The following FBXO11 variants were observed in gnomAD, a reference collection of about 807,000 sequenced individuals.
FBXO11 encodes F-box only protein 11.
FBXO11 carries 13 observed loss-of-function variants against 117.0 expected under a neutral mutation model. The ratio of observed to expected loss-of-function variants is 0.11; its 90% CI spans 0.07 to 0.18. The LOEUF is 0.18. Ranked by LOEUF, FBXO11 falls within the 10% of genes least tolerant of loss-of-function variation. The pLI is 1.00. For missense variants in FBXO11, 767 were observed against 1,164.4 expected (o/e 0.66, Z 4.97); for synonymous variants, 490 against 380.5 (o/e 1.29, Z -3.35).
chr2:47,875,344 C>T (rs1040949330), intron 1 of FBXO11, among the ~76,000 whole-genome samples: 8 of 152,224 alleles, frequency 5.3e-5, no homozygotes, highest in East Asian at 3.9e-4. Context: ...TATTTATCTT[C>T]GCGTTTATCT....
At chr2:47,885,625 A>G (rs1315314536) in intron 1 of FBXO11, among the ~76,000 whole-genome samples, 1 of 152,198 alleles carries the variant, frequency 6.6e-6, no homozygotes, top group Non-Finnish European at 1.5e-5. Context: ...TCTAAGGAAG[A>G]ATTTTGTAAA....
intron 1 of FBXO11, among the ~76,000 whole-genome samples, chr2:47,897,525 C>T (rs571361369): frequency 8.6e-5 from 13 of 152,012 alleles, no homozygotes; most frequent in Admixed American, 7.2e-4. Context: ...GGGGAAACCC[C>T]GTCTCTACTG....
chr2:47,828,730 A>G (rs1019148849), intron 11 of FBXO11, among the ~76,000 whole-genome samples: 2 of 152,324 alleles, frequency 1.3e-5, no homozygotes, highest in Non-Finnish European at 2.9e-5. Context: ...TAATCTATAA[A>G]AACACTTACC....
intron 1 of FBXO11, among the ~76,000 whole-genome samples, chr2:47,901,240 A>C (rs1678279656): frequency 2.0e-5 from 3 of 150,442 alleles, no homozygotes; most frequent in Admixed American, 6.6e-5. Flanking sequence ...ATGGGATTAG[A>C]GAGACTAGGT....
intron 1 of FBXO11, among the ~76,000 whole-genome samples, chr2:47,882,830 T>A (rs1676534054): frequency 6.6e-6 from 1 of 152,138 alleles, no homozygotes; most frequent in Admixed American, 6.5e-5. Context: ...TTTGTACTTT[T>A]TTAGAGACAG....
chr2:47,824,110 A>G (rs1158223306), intron 11 of FBXO11, among the ~76,000 whole-genome samples: 3 of 152,256 alleles, frequency 2.0e-5, no homozygotes, highest in Non-Finnish European at 4.4e-5. Context: ...CGATAAATGT[A>G]GACGAATACC....
At position 47,834,826 on chromosome 2, in the gene FBXO11, T is replaced by C; in HGVS notation, c.763A>G (p.Ser255Gly). ...VKPGFAEHFY[S>G]NPARYKGREN... ...CTTCCTTTATATCTTGCAGGGTTAC[T>C]GTAGAAATGTTCAGCAAATCCTGGC... is the stretch of plus-strand genomic sequence containing the variant. The change falls in exon 6 of 23, where the codon AGT becomes GGT. Residue 255 changes from serine (S) to glycine (G), a missense_variant. Transcript: ENST00000403359. The C allele has an allele frequency of 1.9e-6, 3 of 1,613,604 alleles. 1 individual carries two copies. The highest frequency in any genetic ancestry group is 1.1e-5 in the South Asian group (1 of 90,974).
Position 47,887,727 on chromosome 2 carries a change from G to A in FBXO11, c.232+17762C>T, listed in dbSNP as rs180849189. ...AATACAAAAATTAGCCGGGCATGGT[G>A]GCACACGCCTGTAGTCCCAGCTACT... On this transcript the variant is annotated intron_variant, in intron 1 of 22. Coordinates refer to ENST00000403359, the MANE Select transcript of FBXO11 (RefSeq NM_001190274.2). Among the ~76,000 whole-genome samples the A allele has an allele frequency of 7.9e-5, 12 of 152,268 alleles. No homozygotes were observed. In the East Asian group the frequency reaches 1.7e-3, roughly 22 times the overall value.
chr2:47,818,710 A>G (rs1291950901), intron 16 of FBXO11, 69 bp downstream of exon 16: 2 of 1,059,642 alleles, frequency 1.9e-6, no homozygotes, highest in Non-Finnish European at 2.8e-6. Context: ...ACAATAAGCA[A>G]ATTTCTTTTA....
intron 1 of FBXO11, among the ~76,000 whole-genome samples, chr2:47,841,066 C>T (rs559801862): frequency 1.3e-5 from 2 of 151,922 alleles, no homozygotes; most frequent in East Asian, 2.0e-4. Flanking sequence ...GGTGTGGTAG[C>T]GGGCGCCCGT....
chr2:47,834,565 G>A lies in FBXO11; in HGVS notation c.934+14C>T, dbSNP rs1672418004. ...AAAATATTAAAATTTTAATGACAAT[G>A]CATTTCAAAATACCTGCACCAATCA... On this transcript the variant is annotated intron_variant, in intron 7 of 22. Coordinates refer to ENST00000403359, the MANE Select transcript of FBXO11 (RefSeq NM_001190274.2). 1.3e-6 allele frequency: 2 copies of A among 1,523,558 alleles called. No individual in the cohort carries two copies. The highest frequency in any genetic ancestry group is 1.4e-5 in the African/African-American group (1 of 71,236). The allele number at this position is 1,523,558 out of a possible 1,614,324, so 94.4% of individuals were successfully genotyped here.
At chr2:47,873,420 T>C (rs1218035157) in intron 1 of FBXO11, among the ~76,000 whole-genome samples, 2 of 152,156 alleles carry the variant, frequency 1.3e-5, no homozygotes, top group African/African-American at 4.8e-5. Context: ...TCCTGGGTTT[T>C]ATCCTTGCCC....
chr2:47,844,282 A>G (rs1242969916), intron 1 of FBXO11, among the ~76,000 whole-genome samples: 1 of 151,792 alleles, frequency 6.6e-6, no homozygotes, highest in African/African-American at 2.4e-5. Flanking sequence ...ATTCTCTCTT[A>G]GATTGTTCTG....
chr2:47,810,392 A>G lies in FBXO11; in HGVS notation c.2262T>C (p.Ala754=), dbSNP rs1475959627. ...TAGTGCTGATGAGAACACCTGCTTG[A>G]GCATTCCTGAAAATATCATTTTCTT... ...LLEENDIFRN[A]QAGVLISTNS... The change falls in exon 19 of 23, where the codon GCT becomes GCC. Residue 754 remains alanine (A), a synonymous_variant. Transcript: ENST00000403359. 2 of 1,610,792 alleles carry G rather than the reference A, an allele frequency of 1.2e-6. No homozygotes were observed. The highest frequency in any genetic ancestry group is 1.7e-6 in the Non-Finnish European group (2 of 1,178,738).
rs1672428358 is a variant in FBXO11 at position 47,834,781 on chromosome 2, A to C, written c.801+7T>G. ...TTTTAAGTCATAAAAATAAAAATCA[A>C]ACATACCAACATATTTTCTCTTCCT... On this transcript the variant is annotated splice_region_variant and intron_variant, in intron 6 of 22. Transcript: ENST00000403359. 6.2e-7 allele frequency: 1 copy of C among 1,609,776 alleles called. No homozygotes were observed. The highest frequency in any genetic ancestry group is 1.3e-5 in the African/African-American group (1 of 74,638).
At chr2:47,872,543 A>C (rs1675700762) in intron 1 of FBXO11, among the ~76,000 whole-genome samples, 1 of 152,158 alleles carries the variant, frequency 6.6e-6, no homozygotes, top group Non-Finnish European at 1.5e-5. Context: ...AGAGTGGTCT[A>C]AAACTCCTGA....
At chr2:47,897,090 A>C (rs75211850) in intron 1 of FBXO11, among the ~76,000 whole-genome samples, 22,214 of 152,190 alleles carry the variant, frequency 0.15, 1,754 homozygotes, top group Non-Finnish European at 0.18. Context: ...TACATACCAA[A>C]GTTGTCCATC....
chr2:47,853,896 T>C (rs1572849291), intron 1 of FBXO11, among the ~76,000 whole-genome samples: 1 of 152,208 alleles, frequency 6.6e-6, no homozygotes, highest in Non-Finnish European at 1.5e-5. Context: ...GTAGAAATAA[T>C]GATTTCTATT....
At chr2:47,888,051 T>C (rs1440588871) in intron 1 of FBXO11, among the ~76,000 whole-genome samples, 2 of 151,868 alleles carry the variant, frequency 1.3e-5, no homozygotes, top group African/African-American at 4.8e-5. Context: ...AAGATATATA[T>C]ATATGTATGT....
Sources: allele counts gnomAD v4.1 joint callset (sites outside exome capture counted in the v4.1 genomes callset), GRCh38; gene constraint gnomAD v4.1.1; transcripts MANE v1.5; gene names NCBI Gene and HGNC (gene_info 2026-07-23, HGNC 2026-07-21).